Variants in AGBL1 observed in about 807,000 individuals in gnomAD.
AGBL1 encodes AGBL carboxypeptidase 1.
Under a neutral mutation model 118.9 loss-of-function variants are expected in AGBL1, and 130 were observed. That is an observed-to-expected ratio of 1.09 (90% CI 0.95 to 1.26). AGBL1 has a LOEUF of 1.26. Ranked by LOEUF, AGBL1 falls within the 50% of genes most tolerant of loss-of-function variation. The probability of loss-of-function intolerance (pLI) is 0.00; values close to 1 mark genes in which losing one functional copy is unlikely to be tolerated. For synonymous variants in AGBL1, 555 were observed against 478.9 expected, an observed-to-expected ratio of 1.16 and a Z score of -2.08; for missense variants, 1,584 against 1,298.1, an observed-to-expected ratio of 1.22 and a Z score of -3.38.
intron 22 of AGBL1, among the ~76,000 whole-genome samples, chr15:86,855,954 C>T (rs2079474150): frequency 6.6e-6 from 1 of 152,184 alleles, no homozygotes; most frequent in African/African-American, 2.4e-5. Flanking sequence ...TAACTCATCC[C>T]TAATGGCAGC....
chr15:86,765,733 G>T (rs2078088656), intron 22 of AGBL1, among the ~76,000 whole-genome samples: 1 of 151,878 alleles, frequency 6.6e-6, no homozygotes, highest in Non-Finnish European at 1.5e-5. Context: ...CTCTGTCATG[G>T]CAGTGTAGAT....
At chr15:86,406,873 AT>A (rs1190750895) in intron 18 of AGBL1, among the ~76,000 whole-genome samples, 1 of 152,202 alleles carries the variant, frequency 6.6e-6, no homozygotes, top group Non-Finnish European at 1.5e-5. Flanking sequence ...AATGTAAACA[AT>A]TCTTCATTAT....
At chr15:86,607,883 A>G (rs2084599792) in intron 21 of AGBL1, among the ~76,000 whole-genome samples, 3 of 152,180 alleles carry the variant, frequency 2.0e-5, no homozygotes, top group Non-Finnish European at 4.4e-5. Flanking sequence ...GGGTAAGGAA[A>G]GTCTAGGCAG....
intron 23 of AGBL1, among the ~76,000 whole-genome samples, chr15:86,948,384 A>T (rs947571347): frequency 6.6e-6 from 1 of 152,248 alleles, no homozygotes; most frequent in Non-Finnish European, 1.5e-5. Flanking sequence ...TAAAATAAAA[A>T]CGTAGACACA....
intron 5 of AGBL1, among the ~76,000 whole-genome samples, chr15:86,199,151 G>A (rs954383515): frequency 2.6e-5 from 4 of 151,972 alleles, no homozygotes; most frequent in Non-Finnish European, 5.9e-5. Flanking sequence ...TGTTATACAA[G>A]TTGTGTATTA....
At chr15:86,634,727 A>G (rs953895650) in intron 21 of AGBL1, among the ~76,000 whole-genome samples, 3 of 152,226 alleles carry the variant, frequency 2.0e-5, no homozygotes, top group Non-Finnish European at 4.4e-5. Flanking sequence ...CAATAAAACC[A>G]TCATAAAAAA....
intron 21 of AGBL1, among the ~76,000 whole-genome samples, chr15:86,590,875 A>G (rs1011350987): frequency 1.3e-5 from 2 of 152,208 alleles, no homozygotes; most frequent in African/African-American, 4.8e-5. Flanking sequence ...GGTGTAAAAC[A>G]CTTTTATTTT....
At chr15:86,342,655 A>G (rs1746808448) in intron 17 of AGBL1, among the ~76,000 whole-genome samples, 1 of 152,176 alleles carries the variant, frequency 6.6e-6, no homozygotes, top group African/African-American at 2.4e-5. Context: ...ACCTGACTTT[A>G]GATCTCCGAT....
chr15:86,697,668 G>A (rs1376916822), intron 22 of AGBL1, among the ~76,000 whole-genome samples: 1 of 151,750 alleles, frequency 6.6e-6, no homozygotes, highest in Non-Finnish European at 1.5e-5. Flanking sequence ...ACCTTGTTTT[G>A]TCATATTACC....
intron 24 of AGBL1, chr15:86,988,264 G>T: frequency 4.4e-6 from 3 of 680,578 alleles, no homozygotes; most frequent in Non-Finnish European, 7.1e-6. Context: ...TTCCAAAGTG[G>T]TTGCAACGAT....
intron 17 of AGBL1, among the ~76,000 whole-genome samples, chr15:86,354,720 C>T (rs959779347): frequency 1.1e-4 from 17 of 152,124 alleles, no homozygotes; most frequent in African/African-American, 4.1e-4. Flanking sequence ...TCCCTTAATT[C>T]TGTGAATGGG....
chr15:86,148,326 T>C (rs28832940), intron 3 of AGBL1, among the ~76,000 whole-genome samples: 2,007 of 152,166 alleles, frequency 0.013, 45 homozygotes, highest in African/African-American at 0.046. Context: ...AATAACAAAC[T>C]TTTCTGAGGT....
chr15:86,849,759 C>T (rs906848907), intron 22 of AGBL1, among the ~76,000 whole-genome samples: 5 of 152,170 alleles, frequency 3.3e-5, no homozygotes, highest in Admixed American at 6.5e-5. Flanking sequence ...TTCCCATTAG[C>T]TTCTGTGCCC....
intron 5 of AGBL1, among the ~76,000 whole-genome samples, chr15:86,177,698 G>A (rs1166608837): frequency 1.3e-5 from 2 of 152,076 alleles, no homozygotes; most frequent in African/African-American, 4.8e-5. Flanking sequence ...GGAACTATAG[G>A]TCAAAGAAGA....
chr15:86,339,920 T>C (rs1267118989), intron 17 of AGBL1, among the ~76,000 whole-genome samples: 1 of 151,882 alleles, frequency 6.6e-6, no homozygotes, highest in Admixed American at 6.6e-5. Flanking sequence ...GAGCCGGGAT[T>C]GTGCCACTGC....
intron 5 of AGBL1, among the ~76,000 whole-genome samples, chr15:86,214,792 C>T (rs2078157700): frequency 6.6e-6 from 1 of 152,216 alleles, no homozygotes; most frequent in Non-Finnish European, 1.5e-5. Context: ...GAATGGGGCC[C>T]TCCCAGCCTC....
chr15:86,081,386 G>T lies in AGBL1; in HGVS notation c.51+1363G>T, dbSNP rs138255833. The stretch of plus-strand genomic sequence containing the variant: ...AAGATTTGTATTCCTGAAAGTTTAA[G>T]AACCAATAAGTGCAACCTTCAGGTG... On this transcript the variant is annotated intron_variant, in intron 1 of 22. Coordinates refer to ENST00000614907, the MANE Select transcript of AGBL1 (RefSeq NM_001386094.1). Among the ~76,000 whole-genome samples the T allele has an allele frequency of 2.6e-5, 4 of 152,330 alleles. No individual in the cohort carries two copies. In the East Asian group the frequency reaches 7.7e-4, roughly 29 times the overall value.
chr15:86,456,684 A>G (rs557408482), intron 18 of AGBL1, among the ~76,000 whole-genome samples: 2 of 152,328 alleles, frequency 1.3e-5, no homozygotes, highest in East Asian at 3.9e-4. Context: ...AGGATATTTC[A>G]GCGAGGAAAC....
At chr15:86,575,757 T>G (rs1024412387) in intron 21 of AGBL1, among the ~76,000 whole-genome samples, 3 of 151,880 alleles carry the variant, frequency 2.0e-5, no homozygotes, top group African/African-American at 7.2e-5. Context: ...ATCTGGCTTA[T>G]TTATTGAAAA....
Sources: allele counts gnomAD v4.1 joint callset (sites outside exome capture counted in the v4.1 genomes callset), GRCh38; gene constraint gnomAD v4.1.1; transcripts MANE v1.5; gene names NCBI Gene and HGNC (gene_info 2026-07-23, HGNC 2026-07-21).